The following TNIP3 variants were observed in gnomAD, a reference collection of about 807,000 sequenced individuals.
TNIP3 encodes TNFAIP3 interacting protein 3.
TNIP3 carries 34 observed loss-of-function variants against 54.1 expected under a neutral mutation model. The observed-to-expected ratio is 0.63, with a 90% CI of 0.48 to 0.84. TNIP3 has a LOEUF of 0.84. TNIP3 is among the 40% of genes least tolerant of loss of function. TNIP3 has a pLI of 0.00. For missense variants in TNIP3, 366 were observed against 387.6 expected (o/e 0.94, Z 0.47); for synonymous variants, 134 against 136.8 (o/e 0.98, Z 0.14).
upstream of TNIP3, among the ~76,000 whole-genome samples, chr4:121,220,740 T>G (rs1050296712): frequency 2.0e-5 from 3 of 151,922 alleles, no homozygotes; most frequent in Non-Finnish European, 4.4e-5. Context: ...ACTTTTAGAG[T>G]CAGAAATAAG....
At chr4:121,135,587 CAG>C (rs1425939118) in intron 10 of TNIP3, among the ~76,000 whole-genome samples, 1 of 151,970 alleles carries the variant, frequency 6.6e-6, no homozygotes, top group Non-Finnish European at 1.5e-5. Flanking sequence ...TTTGTAGAGA[CAG>C]GGTTTCACCA....
At chr4:121,192,989 C>A (rs1053844554) in intron 2 of TNIP3, 15 of 152,064 alleles carry the variant, frequency 9.9e-5, no homozygotes, top group Admixed American at 8.5e-4. Flanking sequence ...AATAACTTTC[C>A]TCGTATATGC....
chr4:121,154,330 A>G (rs1342209109), intron 5 of TNIP3: 2 of 503,580 alleles, frequency 4.0e-6, no homozygotes, highest in Non-Finnish European at 6.9e-6. Context: ...TCTCTTTCTC[A>G]TGATGAATCT....
chr4:121,197,725 G>A (rs1185772221), intron 2 of TNIP3, among the ~76,000 whole-genome samples: 2 of 152,064 alleles, frequency 1.3e-5, no homozygotes, highest in African/African-American at 4.8e-5. Context: ...GAATTCTGAA[G>A]CAATTTGGGG....
chr4:121,205,234 G>A (rs1726115653), intron 2 of TNIP3, among the ~76,000 whole-genome samples: 1 of 152,154 alleles, frequency 6.6e-6, no homozygotes, highest in Non-Finnish European at 1.5e-5. Context: ...TGAAGGAGGT[G>A]TAGTATGGGC....
intron 2 of TNIP3, among the ~76,000 whole-genome samples, chr4:121,206,593 G>C (rs1726206490): frequency 6.6e-6 from 1 of 151,554 alleles, no homozygotes; most frequent in African/African-American, 2.4e-5. Context: ...CTGTCACACA[G>C]GCTGGAGTGT....
intron 1 of TNIP3, among the ~76,000 whole-genome samples, chr4:121,224,767 A>G (rs1024769966): frequency 4.6e-5 from 7 of 152,098 alleles, no homozygotes; most frequent in African/African-American, 1.7e-4. Flanking sequence ...TCTTATTTTA[A>G]TATCTATAAT....
chr4:121,132,710 A>T (rs2148790017), intron 10 of TNIP3, 48 bp from the exon 11 acceptor site: 1 of 1,522,852 alleles, frequency 6.6e-7, no homozygotes, highest in East Asian at 2.3e-5. Flanking sequence ...TTAACATTTC[A>T]TTTCTCTTCT....
At chr4:121,198,573 T>C (rs949378856) in intron 2 of TNIP3, among the ~76,000 whole-genome samples, 23 of 152,238 alleles carry the variant, frequency 1.5e-4, no homozygotes, top group Non-Finnish European at 3.1e-4. Context: ...CCTGTTTTCA[T>C]GGAGCTTACA....
At chr4:121,197,825 G>A (rs953808409) in intron 2 of TNIP3, among the ~76,000 whole-genome samples, 2 of 152,112 alleles carry the variant, frequency 1.3e-5, no homozygotes, top group South Asian at 2.1e-4. Flanking sequence ...AAGGAGAGCC[G>A]TATAAGAAAG....
At chr4:121,196,398 T>A (rs933149555) in intron 2 of TNIP3, among the ~76,000 whole-genome samples, 5 of 152,208 alleles carry the variant, frequency 3.3e-5, no homozygotes, top group South Asian at 2.1e-4. Context: ...ATAGGTTTTT[T>A]TTAAGTTAGA....
intron 1 of TNIP3, among the ~76,000 whole-genome samples, chr4:121,222,928 C>T (rs1727098553): frequency 6.6e-6 from 1 of 151,636 alleles, no homozygotes; most frequent in African/African-American, 2.4e-5. Flanking sequence ...GCCTCAGCCT[C>T]CCGAGTAGCT....
At chr4:121,193,942 A>G (rs1384155513) in intron 2 of TNIP3, among the ~76,000 whole-genome samples, 4 of 152,200 alleles carry the variant, frequency 2.6e-5, no homozygotes, top group Non-Finnish European at 5.9e-5. Context: ...GTGTCAGGTC[A>G]TGAAAGTTAA....
intron 2 of TNIP3, among the ~76,000 whole-genome samples, chr4:121,160,666 G>A (rs1730395526): frequency 6.6e-6 from 1 of 152,138 alleles, no homozygotes; most frequent in Admixed American, 6.5e-5. Flanking sequence ...TTATGATAAT[G>A]CTTTTTAACT....
At chr4:121,215,231 T>C (rs1326385091) in intron 2 of TNIP3, among the ~76,000 whole-genome samples, 1 of 152,196 alleles carries the variant, frequency 6.6e-6, no homozygotes, top group Non-Finnish European at 1.5e-5. Flanking sequence ...GGGCCTCTTT[T>C]AATGAAAACG....
At chr4:121,218,798 G>A (rs530277693), upstream of TNIP3, among the ~76,000 whole-genome samples, 1 of 139,970 alleles carries the variant, frequency 7.1e-6, no homozygotes, top group East Asian at 1.9e-4. Flanking sequence ...CTGGGCTCAA[G>A]CAATTCTCCT....
At position 121,205,212 on chromosome 4, in the gene TNIP3, T is replaced by C. The variant is rs547892489; in HGVS notation, c.68+11203A>G. Among the ~76,000 whole-genome samples the C allele has an allele frequency of 2.6e-5, 4 of 152,192 alleles. No homozygotes were observed. The South Asian group carries it at 8.3e-4, about 32-fold the overall frequency. ...GGTGGGACTTATTGAAAGGTGACAA[T>C]TGAGCAAGGAGTGAAGGAGGTGTAG... On this transcript the variant is annotated intron_variant, in intron 2 of 12. Coordinates refer to the TNIP3 transcript ENST00000507879.
chr4:121,205,724 G>A (rs909346434), intron 2 of TNIP3, among the ~76,000 whole-genome samples: 3 of 152,058 alleles, frequency 2.0e-5, no homozygotes, highest in Non-Finnish European at 4.4e-5. Context: ...GAGAGAAAAA[G>A]CTCAAGGATG....
At chr4:121,201,049 G>A (rs1234485722) in intron 2 of TNIP3, among the ~76,000 whole-genome samples, 2 of 152,110 alleles carry the variant, frequency 1.3e-5, no homozygotes, top group African/African-American at 2.4e-5. Flanking sequence ...GAAGGTCAAG[G>A]GGAACTTTGG....
Sources: gnomAD v4.1 joint callset for allele counts (sites outside exome capture counted in the v4.1 genomes callset) on GRCh38, gnomAD v4.1.1 for gene constraint, MANE v1.5 for transcripts, NCBI Gene and HGNC (gene_info 2026-07-23, HGNC 2026-07-21) for gene names.